SIMC1: variants seen among roughly 807,000 people sequenced by gnomAD.
SIMC1 encodes SUMO-interacting motif-containing protein 1.
In SIMC1, 55 loss-of-function variants were observed where a neutral mutation model predicts 82.3. The ratio of observed to expected loss-of-function variants is 0.67; its 90% CI spans 0.54 to 0.84. SIMC1 has a LOEUF of 0.84. SIMC1 is among the 40% of genes least tolerant of loss of function. SIMC1 has a pLI of 0.00. For synonymous variants in SIMC1, 353 were observed against 426.3 expected (o/e 0.83, Z 2.12); for missense variants, 915 against 1,107.2 (o/e 0.83, Z 2.46).
chr5:176,271,918 A>G (rs1762447141), intron 1 of SIMC1, among the ~76,000 whole-genome samples: 1 of 39,256 alleles, frequency 2.5e-5, no homozygotes, highest in Non-Finnish European at 7.9e-5. Context: ...ATATAATTGT[A>G]TATTATATTA....
intron 4 of SIMC1, among the ~76,000 whole-genome samples, chr5:176,312,536 CAAAAAAAA>C (rs10551875): frequency 4.3e-5 from 3 of 70,038 alleles, no homozygotes; most frequent in African/African-American, 1.2e-4. Context: ...GACTCCATCT[CAAAAAAAA>C]AAAAAAAAAA....
chr5:176,270,376 ATTCT>A (rs1246118836), intron 1 of SIMC1: 2 of 152,094 alleles, frequency 1.3e-5, no homozygotes, highest in Non-Finnish European at 2.9e-5. Context: ...GAAATCTGAA[ATTCT>A]TTCTTTTAAG....
At chr5:176,247,451 G>A (rs1227437315) in intron 1 of SIMC1, among the ~76,000 whole-genome samples, 2 of 151,442 alleles carry the variant, frequency 1.3e-5, no homozygotes, top group African/African-American at 2.4e-5. Context: ...TTTTTGATGG[G>A]GTTGTTTGTT....
chr5:176,305,706 T>TG (rs1191604531), intron 4 of SIMC1, among the ~76,000 whole-genome samples: 12 of 53,294 alleles, frequency 2.3e-4, no homozygotes, highest in African/African-American at 8.6e-4. Context: ...GGGAGGGAGG[T>TG]GGGGGGGTCA....
intron 1 of SIMC1, among the ~76,000 whole-genome samples, chr5:176,285,599 A>G (rs879418360): frequency 2.6e-5 from 4 of 151,604 alleles, no homozygotes; most frequent in African/African-American, 9.7e-5. Context: ...GCCCTCTCTC[A>G]CCACTCCTAT....
chr5:176,251,507 A>G (rs1465345056), intron 1 of SIMC1, among the ~76,000 whole-genome samples: 2 of 152,118 alleles, frequency 1.3e-5, no homozygotes, highest in Non-Finnish European at 2.9e-5. Flanking sequence ...GCCTGTCTGT[A>G]AAGGATTTTA....
rs547871096 is a variant in SIMC1 at position 176,289,822 on chromosome 5, T to C, written c.298T>C (p.Cys100Arg). 5.6e-6 allele frequency: 9 copies of C among 1,613,972 alleles called. No individual in the cohort carries two copies. The South Asian group carries it at 9.9e-5, about 18-fold the overall frequency. The change falls in exon 2 of 10, where the codon TGT becomes CGT. Residue 100 changes from cysteine (C) to arginine (R), a missense_variant. Coordinates refer to ENST00000429602, the MANE Select transcript of SIMC1 (RefSeq NM_001308195.2). ...GAAGGAGCCAACCAGTCTTCAGACATGTGCCAGCCTCTCTGGCAAAGCGGT... is the reference window on the plus strand; with the variant it reads ...GAAGGAGCCAACCAGTCTTCAGACACGTGCCAGCCTCTCTGGCAAAGCGGT... Reference protein sequence around the residue: ...SQKEPTSLQTCASLSGKAVME... With the variant: ...SQKEPTSLQTRASLSGKAVME...
intron 9 of SIMC1, among the ~76,000 whole-genome samples, chr5:176,342,254 C>G (rs1766182441): frequency 6.6e-6 from 1 of 152,142 alleles, no homozygotes. Flanking sequence ...TAAAACAGCT[C>G]ATATTTCCCT....
At chr5:176,252,837 C>T (rs563979595) in intron 1 of SIMC1, among the ~76,000 whole-genome samples, 13 of 152,332 alleles carry the variant, frequency 8.5e-5, no homozygotes, top group Non-Finnish European at 1.3e-4. Context: ...CACTGCACTC[C>T]AGCCTGGGCA....
intron 9 of SIMC1, among the ~76,000 whole-genome samples, chr5:176,344,468 T>TACACACACACAC (rs57991528): frequency 6.8e-6 from 1 of 146,542 alleles, no homozygotes; most frequent in African/African-American, 2.5e-5. Flanking sequence ...GTCAGGAGTA[T>TACACACACACAC]ACACACACAC....
intron 4 of SIMC1, among the ~76,000 whole-genome samples, chr5:176,297,935 G>C (rs956217634): frequency 6.6e-6 from 1 of 152,178 alleles, no homozygotes; most frequent in African/African-American, 2.4e-5. Flanking sequence ...CACCTAGGAA[G>C]CAGTTAGTCC....
chr5:176,292,271 TG>T (rs1678992976), intron 2 of SIMC1, among the ~76,000 whole-genome samples: 1 of 152,144 alleles, frequency 6.6e-6, no homozygotes, highest in Non-Finnish European at 1.5e-5. Context: ...GTAAACTAGA[TG>T]TGTTAGGGAA....
intron 5 of SIMC1, among the ~76,000 whole-genome samples, chr5:176,315,712 G>T (rs985455489): frequency 3.3e-5 from 5 of 152,136 alleles, no homozygotes; most frequent in Non-Finnish European, 7.4e-5. Context: ...AGGACGTTTC[G>T]TTATGTTTTG....
At chr5:176,266,190 G>A (rs1421755186) in intron 1 of SIMC1, among the ~76,000 whole-genome samples, 6 of 152,146 alleles carry the variant, frequency 3.9e-5, no homozygotes, top group Admixed American at 2.6e-4. Context: ...GTGACTTTGC[G>A]GCTTTTTTAA....
intron 4 of SIMC1, among the ~76,000 whole-genome samples, chr5:176,300,150 C>T (rs1763981061): frequency 6.6e-6 from 1 of 152,118 alleles, no homozygotes; most frequent in African/African-American, 2.4e-5. Context: ...TAAATAAATG[C>T]TTGCACTGAA....
chr5:176,249,585 A>T (rs1017499431), intron 1 of SIMC1, among the ~76,000 whole-genome samples: 3 of 152,006 alleles, frequency 2.0e-5, no homozygotes, highest in Non-Finnish European at 4.4e-5. Context: ...TCACGCCTGT[A>T]ATCCCAGTAC....
chr5:176,322,456 C>A (rs1174835050), intron 6 of SIMC1, 31 bp downstream of exon 6: 1 of 1,591,610 alleles, frequency 6.3e-7, no homozygotes, highest in South Asian at 1.1e-5. Context: ...TTTCCTGGGG[C>A]TCTTGGGGTT....
chr5:176,323,780 A>G (rs1765258676), intron 6 of SIMC1, among the ~76,000 whole-genome samples: 1 of 152,134 alleles, frequency 6.6e-6, no homozygotes, highest in South Asian at 2.1e-4. Context: ...AGGTCAGGAG[A>G]TGGAGACCAT....
At chr5:176,303,719 A>C (rs1764144431) in intron 4 of SIMC1, among the ~76,000 whole-genome samples, 1 of 152,226 alleles carries the variant, frequency 6.6e-6, no homozygotes, top group Non-Finnish European at 1.5e-5. Context: ...GTGGTACAAG[A>C]AAGAAGATAG....
Sources: allele counts gnomAD v4.1 joint callset (sites outside exome capture counted in the v4.1 genomes callset), GRCh38; gene constraint gnomAD v4.1.1; transcripts MANE v1.5; gene names NCBI Gene and HGNC (gene_info 2026-07-23, HGNC 2026-07-21).